The following GRHL1 variants were observed in gnomAD, a reference collection of about 807,000 sequenced individuals.
The protein encoded by GRHL1 is grainyhead-like protein 1 homolog.
A neutral mutation model predicts 75.7 loss-of-function variants in GRHL1; 38 were observed. That is an observed-to-expected ratio of 0.50 (90% CI 0.39 to 0.66). The LOEUF (loss-of-function observed/expected upper bound fraction) is 0.66. Ranked by LOEUF, GRHL1 falls within the 30% of genes least tolerant of loss-of-function variation. The probability of loss-of-function intolerance (pLI) is 0.00; values close to 1 mark genes in which losing one functional copy is unlikely to be tolerated. For missense variants in GRHL1, 589 were observed against 767.5 expected, an observed-to-expected ratio of 0.77 and a Z score of 2.75; for synonymous variants, 266 against 279.4, an observed-to-expected ratio of 0.95 and a Z score of 0.48.
chr2:9,980,281 A>G (rs2125230177), intron 8 of GRHL1, among the ~76,000 whole-genome samples: 1 of 152,166 alleles, frequency 6.6e-6, no homozygotes, highest in South Asian at 2.1e-4. Flanking sequence ...AATCATTATA[A>G]ATTCGTTCAA....
In GRHL1 at chr2:9,968,661, G is replaced by A. The variant is rs925581899; in HGVS notation, c.1110+3280G>A. Among the ~76,000 whole-genome samples, 2 of 152,186 alleles carry A rather than the reference G, an allele frequency of 1.3e-5. No individual in the cohort carries two copies. The highest frequency in any genetic ancestry group is 6.5e-5 in the Admixed American group (1 of 15,276). ...GTTTAGGATTTGCAGGACAAGATGA[G>A]GGCACTGGTCTCCTGCAGAAGAGAG... On this transcript the variant is annotated intron_variant, in intron 8 of 15. Transcript: ENST00000324907. The surrounding 1 kb of genome is among the most constrained non-coding windows in gnomAD (Gnocchi z 4.7).
chr2:9,962,343 A>G (rs1667313643), intron 4 of GRHL1, 112 bp from the exon 5 acceptor site: 1 of 617,878 alleles, frequency 1.6e-6, no homozygotes, highest in Non-Finnish European at 3.0e-6. Flanking sequence ...ATAAATATGG[A>G]AAGGATAGTG....
chr2:9,996,215 T>G lies in GRHL1; in HGVS notation c.1592-101T>G, dbSNP rs10929626. On this transcript the variant is annotated intron_variant, in intron 13 of 15. Coordinates refer to ENST00000324907, the MANE Select transcript of GRHL1 (RefSeq NM_198182.3). Reference sequence around the variant, plus strand: ...TCCTTGATGTGAATGTGGTTTTTATTTTAGCTGGTACCGTGGTCTGTTTTC... The same window carrying G: ...TCCTTGATGTGAATGTGGTTTTTATGTTAGCTGGTACCGTGGTCTGTTTTC... The G allele has an allele frequency of 8.1e-3, 6,870 of 851,154 alleles. 298 individuals are homozygous for G. The African/African-American group carries it at 0.099, about 12-fold the overall frequency. 52.7% of individuals were successfully genotyped at this position (851,154 alleles called of 1,614,324 possible).
intron 4 of GRHL1, 30 bp downstream of exon 4, chr2:9,961,466 G>T (rs759434226): frequency 1.3e-6 from 2 of 1,567,410 alleles, no homozygotes; most frequent in Non-Finnish European, 1.7e-6. Context: ...TTCCTAAGAC[G>T]CCTGCGTGTT....
At chr2:9,957,305 A>G (rs1159631071) in intron 2 of GRHL1, among the ~76,000 whole-genome samples, 3 of 151,518 alleles carry the variant, frequency 2.0e-5, no homozygotes, top group Non-Finnish European at 4.4e-5. Context: ...TTCTTTTTCA[A>G]ATAAACTGAA....
At chr2:9,973,886 A>G (rs1429790556) in intron 8 of GRHL1, among the ~76,000 whole-genome samples, 1 of 152,238 alleles carries the variant, frequency 6.6e-6, no homozygotes, top group African/African-American at 2.4e-5. Context: ...ATGGAGCCAC[A>G]TCACCAGCTG....
Position 9,953,323 on chromosome 2 carries a change from T to C in GRHL1, c.20+1470T>C, listed in dbSNP as rs183242061. On this transcript the variant is annotated intron_variant, in intron 1 of 15. Transcript: ENST00000324907. ...GAAGTAGCTATTACGCTATTAATTA[T>C]AGCTTAGCAGTACATCAGTCAATCA... is the stretch of plus-strand genomic sequence containing the variant. Among the ~76,000 whole-genome samples the C allele has an allele frequency of 4.1e-3, 624 of 152,392 alleles. 7 individuals carry two copies. The highest frequency in any genetic ancestry group is 5.6e-3 in the Non-Finnish European group (381 of 68,040).
In GRHL1 at chr2:9,964,317, A is replaced by G; in HGVS notation, c.986A>G (p.His329Arg). The change falls in exon 7 of 16, where the codon CAC becomes CGC. Residue 329 changes from histidine (H) to arginine (R), a missense_variant. Physicochemically the swap from His to Arg is conservative, Grantham distance 29. Coordinates refer to ENST00000324907, the MANE Select transcript of GRHL1 (RefSeq NM_198182.3). Reference sequence around the variant, plus strand: ...TGGAAGTACTGGCACTCCCGGCAGCACACCGCTAAACAAAGATGCATTGAC... The same window carrying G: ...TGGAAGTACTGGCACTCCCGGCAGCGCACCGCTAAACAAAGATGCATTGAC... ...RHWKYWHSRQ[H>R]TAKQRCIDIA... 6.2e-7 allele frequency: 1 copy of G among 1,605,902 alleles called. No individual in the cohort carries two copies. The highest frequency in any genetic ancestry group is 8.5e-7 in the Non-Finnish European group (1 of 1,172,720).
At chr2:9,972,380 C>T (rs1001205753) in intron 8 of GRHL1, among the ~76,000 whole-genome samples, 2 of 151,952 alleles carry the variant, frequency 1.3e-5, no homozygotes, top group Admixed American at 6.6e-5. Context: ...TTTTGCTACT[C>T]GGAAACTAAA....
At chr2:9,991,619 G>A (rs1210158482) in intron 10 of GRHL1, among the ~76,000 whole-genome samples, 1 of 152,204 alleles carries the variant, frequency 6.6e-6, no homozygotes, top group Non-Finnish European at 1.5e-5. Flanking sequence ...GTCCATGAGT[G>A]TTGGAATGTA....
chr2:9,965,217 G>A (rs1667439247), intron 7 of GRHL1, 70 bp from the exon 8 acceptor site: 1 of 773,860 alleles, frequency 1.3e-6, no homozygotes, highest in Non-Finnish European at 2.3e-6. Context: ...ATCTTATTTT[G>A]AACTGCTGGG....
chr2:9,979,705 A>T (rs1668113859), intron 8 of GRHL1, among the ~76,000 whole-genome samples: 1 of 152,228 alleles, frequency 6.6e-6, no homozygotes, highest in Non-Finnish European at 1.5e-5. Context: ...TAGGTGAATG[A>T]TAATACAGAA....
intron 8 of GRHL1, among the ~76,000 whole-genome samples, chr2:9,977,810 C>T (rs543142239): frequency 6.6e-6 from 1 of 152,140 alleles, no homozygotes; most frequent in Non-Finnish European, 1.5e-5. Context: ...GGCCATTTCC[C>T]TAAAGAATCT....
intron 2 of GRHL1, 93 bp downstream of exon 2, chr2:9,955,194 G>C (rs1385684554): frequency 7.4e-6 from 6 of 808,488 alleles, no homozygotes; most frequent in Non-Finnish European, 1.2e-5. Context: ...AGAATGCCAT[G>C]CAAGTTGCTT....
At chr2:9,969,415 C>T (rs1383779729) in intron 8 of GRHL1, among the ~76,000 whole-genome samples, 1 of 152,198 alleles carries the variant, frequency 6.6e-6, no homozygotes, top group Non-Finnish European at 1.5e-5. Context: ...GGAAGCTAAA[C>T]TCTAGACCTT....
In GRHL1 at chr2:9,964,264, C is replaced by T. The variant is rs778255142; in HGVS notation, c.933C>T (p.Asp311=). 24 of 1,610,998 alleles carry T rather than the reference C, an allele frequency of 1.5e-5. No individual in the cohort carries two copies. The South Asian group carries it at 1.7e-4, about 11-fold the overall frequency. ...TGATCATGGTGGTTTTTGCTGAAGA[C>T]AAAAGCAGAGAAGATCAGTTAAGGC... ...RSVIMVVFAE[D]KSREDQLRHW... Residue 311 remains aspartate (D), a synonymous_variant, in exon 7 of 16, where the codon GAC becomes GAT. Transcript: ENST00000324907.
chr2:9,986,577 C>T lies in GRHL1; in HGVS notation c.1269+295C>T, dbSNP rs961063110. ...GATTACAGGTGCACACCACCACGGC[C>T]GGCTAGTTTTTTGTATTTTTAGTAG... is the stretch of plus-strand genomic sequence containing the variant. On this transcript the variant is annotated intron_variant, in intron 9 of 15. Coordinates refer to ENST00000324907, the MANE Select transcript of GRHL1 (RefSeq NM_198182.3). Among the ~76,000 whole-genome samples the T allele has an allele frequency of 3.3e-5, 5 of 151,848 alleles. No homozygotes were observed. The South Asian group carries it at 6.3e-4, about 19-fold the overall frequency.
intron 8 of GRHL1, among the ~76,000 whole-genome samples, chr2:9,969,842 C>CTTTTT (rs70948859): frequency 7.7e-5 from 10 of 129,518 alleles, no homozygotes; most frequent in Non-Finnish European, 1.1e-4. Context: ...AGTTAGCACA[C>CTTTTT]TTTTTTTTTT....
chr2:9,963,369 T>A (rs573307011), intron 5 of GRHL1, among the ~76,000 whole-genome samples: 2 of 152,326 alleles, frequency 1.3e-5, no homozygotes, highest in East Asian at 3.9e-4. Context: ...ATAGGTGTAA[T>A]CTGCTGAGCC....
Sources: allele counts gnomAD v4.1 joint callset (sites outside exome capture counted in the v4.1 genomes callset), GRCh38; gene constraint gnomAD v4.1.1; non-coding constraint Gnocchi (gnomAD v3.1); transcripts MANE v1.5; gene names NCBI Gene and HGNC (gene_info 2026-07-23, HGNC 2026-07-21).